Variants in RBMS3 observed in about 807,000 individuals in gnomAD.
RBMS3 encodes RNA binding motif single stranded interacting protein 3.
RBMS3 carries 27 observed loss-of-function variants against 66.8 expected under a neutral mutation model. The ratio of observed to expected loss-of-function variants is 0.40; its 90% CI spans 0.30 to 0.56. The LOEUF (loss-of-function observed/expected upper bound fraction) is 0.56. Among genes scored for constraint, RBMS3 ranks in the 20% least tolerant of loss-of-function variants. The pLI, the probability that RBMS3 is intolerant of heterozygous loss-of-function variation, is 0.40. For missense variants in RBMS3, 513 were observed against 549.5 expected (o/e 0.93, Z 0.66); for synonymous variants, 188 against 183.0 (o/e 1.03, Z -0.22).
chr3:29,878,109 A>G (rs1341708400), intron 7 of RBMS3, among the ~76,000 whole-genome samples: 1 of 152,030 alleles, frequency 6.6e-6, no homozygotes, highest in Non-Finnish European at 1.5e-5. Flanking sequence ...TGCAACCTAG[A>G]TCCCTGTAAT....
At chr3:29,719,363 C>T (rs1377486491) in intron 4 of RBMS3, among the ~76,000 whole-genome samples, 1 of 152,154 alleles carries the variant, frequency 6.6e-6, no homozygotes, top group Admixed American at 6.5e-5. Flanking sequence ...CCTTGGTTAT[C>T]ACTCAGGTGC....
At chr3:29,847,644 T>G (rs928909773) in intron 6 of RBMS3, among the ~76,000 whole-genome samples, 2 of 148,454 alleles carry the variant, frequency 1.3e-5, no homozygotes, top group African/African-American at 5.2e-5. Context: ...TTTTGTGTTT[T>G]ATTTTTTTTT....
At chr3:29,576,115 A>G (rs1005184820) in intron 3 of RBMS3, among the ~76,000 whole-genome samples, 2 of 152,018 alleles carry the variant, frequency 1.3e-5, no homozygotes, top group Non-Finnish European at 1.5e-5. Flanking sequence ...TGTTGTGTTC[A>G]TGGTTTGGGC....
At chr3:29,303,351 G>C (rs1162557645) in intron 1 of RBMS3, among the ~76,000 whole-genome samples, 1 of 152,002 alleles carries the variant, frequency 6.6e-6, no homozygotes, top group African/African-American at 2.4e-5. Flanking sequence ...GTGTTGTGAG[G>C]TGTTTCTCTT....
At chr3:29,511,455 T>C (rs1381035815) in intron 3 of RBMS3, among the ~76,000 whole-genome samples, 1 of 152,226 alleles carries the variant, frequency 6.6e-6, no homozygotes, top group African/African-American at 2.4e-5. Context: ...ATATTCAGTA[T>C]ATAACATGTG....
At chr3:29,751,570 TAA>T (rs1453138893) in intron 5 of RBMS3, among the ~76,000 whole-genome samples, 1 of 152,218 alleles carries the variant, frequency 6.6e-6, no homozygotes, top group Non-Finnish European at 1.5e-5. Flanking sequence ...ACAACGTGCT[TAA>T]AATGTTTTGC....
At chr3:29,676,793 G>A (rs1208371175) in intron 4 of RBMS3, among the ~76,000 whole-genome samples, 1 of 152,116 alleles carries the variant, frequency 6.6e-6, no homozygotes, top group Non-Finnish European at 1.5e-5. Context: ...TTTACTGGGT[G>A]TAAAACACAT....
intron 1 of RBMS3, among the ~76,000 whole-genome samples, chr3:29,389,901 A>G (rs1162692383): frequency 1.3e-5 from 2 of 152,174 alleles, no homozygotes; most frequent in African/African-American, 4.8e-5. Context: ...AGGTAGAAAT[A>G]GGGAATGGGG....
chr3:29,674,152 C>A (rs2051131862), intron 4 of RBMS3, among the ~76,000 whole-genome samples: 1 of 152,052 alleles, frequency 6.6e-6, no homozygotes, highest in Non-Finnish European at 1.5e-5. Flanking sequence ...AAGACAAAAA[C>A]CACATGATTA....
Position 29,689,160 on chromosome 3 carries a change from G to A in RBMS3, c.400-50560G>A, listed in dbSNP as rs2051867189. Among the ~76,000 whole-genome samples the A allele has an allele frequency of 4.6e-5, 7 of 151,746 alleles. No individual in the cohort carries two copies. In the South Asian group the frequency reaches 1.5e-3, roughly 32 times the overall value. ...TGGCTTCTTGCTTCCTTTAGAGCTTGTATATTTCATCAAAGTAATTTTTTT... is the reference window on the plus strand; with the variant it reads ...TGGCTTCTTGCTTCCTTTAGAGCTTATATATTTCATCAAAGTAATTTTTTT... On this transcript the variant is annotated intron_variant, in intron 4 of 14. Coordinates refer to ENST00000383767, the MANE Select transcript of RBMS3 (RefSeq NM_001003793.3).
At position 29,904,912 on chromosome 3, in the gene RBMS3, AG is replaced by A. The variant is rs564354071; in HGVS notation, c.939+5158del. ...GTACTGATCTTTTCTTATTTATAAA[AG>A]ATCTTATTACAGTTAGTAAGTTTAT... is the stretch of plus-strand genomic sequence containing the variant. On this transcript the variant is annotated intron_variant, in intron 10 of 14. Coordinates refer to ENST00000383767, the MANE Select transcript of RBMS3 (RefSeq NM_001003793.3). Among the ~76,000 whole-genome samples the A allele has an allele frequency of 3.7e-3, 569 of 152,166 alleles. 2 individuals carry two copies. Among genetic ancestry groups the A allele is most frequent in the African/African-American group, 0.012 (515 of 41,548 alleles).
At chr3:29,716,647 G>A (rs1296818545) in intron 4 of RBMS3, among the ~76,000 whole-genome samples, 2 of 152,070 alleles carry the variant, frequency 1.3e-5, no homozygotes, top group South Asian at 2.1e-4. Flanking sequence ...TTATATATAA[G>A]TACAGTAAAA....
In RBMS3 at chr3:29,990,328, T is replaced by G. The variant is rs552962472; in HGVS notation, c.1180-754T>G. Among the ~76,000 whole-genome samples, 13 of 144,676 alleles carry G rather than the reference T, an allele frequency of 9.0e-5. No individual in the cohort carries two copies. In the East Asian group the frequency reaches 3.6e-3, roughly 40 times the overall value. The allele number at this position is 144,676 out of a possible 152,430, so 94.9% of individuals were successfully genotyped here. A position where few individuals can be genotyped will look rare whatever the true frequency, so the allele number is the denominator to read the frequency against. On this transcript the variant is annotated intron_variant, in intron 13 of 14. Transcript: ENST00000383767. ...GGACTACAAATAAAACCAGGAAAAT[T>G]TATCAGGATAGGTGCTCTTCTTAGG...
At chr3:29,380,875 T>C (rs1182042165) in intron 1 of RBMS3, among the ~76,000 whole-genome samples, 4 of 152,186 alleles carry the variant, frequency 2.6e-5, no homozygotes, top group Non-Finnish European at 5.9e-5. Context: ...GAACTACATA[T>C]GAGTCAGGAA....
intron 4 of RBMS3, among the ~76,000 whole-genome samples, chr3:29,687,234 A>G (rs1476465927): frequency 6.6e-6 from 1 of 152,366 alleles, no homozygotes; most frequent in Non-Finnish European, 1.5e-5. Context: ...GCCACTTAAC[A>G]TAAAAGGATT....
chr3:29,727,781 T>C (rs1217848200), intron 4 of RBMS3, among the ~76,000 whole-genome samples: 1 of 152,136 alleles, frequency 6.6e-6, no homozygotes. Context: ...AGTTCAACCA[T>C]TGTGGAAGAC....
At chr3:29,934,937 A>C (rs2061227568) in intron 10 of RBMS3, among the ~76,000 whole-genome samples, 1 of 152,106 alleles carries the variant, frequency 6.6e-6, no homozygotes, top group Non-Finnish European at 1.5e-5. Context: ...GTGGGTAATT[A>C]GTTTGGGTGC....
chr3:29,989,163 T>C (rs567734664), intron 13 of RBMS3, among the ~76,000 whole-genome samples: 4 of 152,320 alleles, frequency 2.6e-5, no homozygotes, highest in African/African-American at 9.6e-5. Context: ...GCTGTAGATA[T>C]CATGAATGAT....
chr3:29,821,170 T>C (rs909324472), intron 6 of RBMS3, among the ~76,000 whole-genome samples: 2 of 152,302 alleles, frequency 1.3e-5, no homozygotes, highest in Middle Eastern at 3.4e-3. Context: ...ATTTTTAGAG[T>C]AAGTTTTCAT....
Sources: gnomAD v4.1 joint callset for allele counts (sites outside exome capture counted in the v4.1 genomes callset) on GRCh38, gnomAD v4.1.1 for gene constraint, MANE v1.5 for transcripts, NCBI Gene and HGNC (gene_info 2026-07-23, HGNC 2026-07-21) for gene names.